The following RLF variants were observed in gnomAD, a reference collection of about 807,000 sequenced individuals.
The protein encoded by RLF is RLF zinc finger.
In RLF, 7 loss-of-function variants were observed where a neutral mutation model predicts 162.9. That is an observed-to-expected ratio of 0.04 (90% CI 0.02 to 0.08). RLF has a LOEUF of 0.08. Among genes scored for constraint, RLF ranks in the 10% least tolerant of loss-of-function variants. The pLI, the probability that RLF is intolerant of heterozygous loss-of-function variation, is 1.00. For synonymous variants in RLF, 782 were observed against 791.5 expected, an observed-to-expected ratio of 0.99 and a Z score of 0.20; for missense variants, 1,664 against 2,244.7, an observed-to-expected ratio of 0.74 and a Z score of 5.23.
intron 5 of RLF, among the ~76,000 whole-genome samples, chr1:40,214,618 A>T (rs950283770): frequency 6.6e-6 from 1 of 152,160 alleles, no homozygotes; most frequent in East Asian, 1.9e-4. Context: ...TAAAGGAAAC[A>T]TGCTTAAAGA....
At chr1:40,228,010 A>G (rs551123061) in intron 6 of RLF, among the ~76,000 whole-genome samples, 47 of 151,962 alleles carry the variant, frequency 3.1e-4, no homozygotes, top group Admixed American at 2.7e-3. Flanking sequence ...CTGGGGGGAA[A>G]AAATTTATTT....
intron 5 of RLF, among the ~76,000 whole-genome samples, 182 bp downstream of exon 5, chr1:40,202,796 G>A (rs1307545127): frequency 6.6e-6 from 1 of 152,086 alleles, no homozygotes; most frequent in East Asian, 1.9e-4. Flanking sequence ...ATTTTAGAGT[G>A]AATTTGAAAA....
rs1267826585 is a variant in RLF at position 40,195,618 on chromosome 1, T to C, written c.475-14T>C. ...TTGTTAACTTATTTTCTGGGTGTGC[T>C]GTTCTTGTTCTAGGAGTCACATGAT... On this transcript the variant is annotated splice_polypyrimidine_tract_variant and intron_variant, in intron 3 of 7. Coordinates refer to ENST00000372771, the MANE Select transcript of RLF (RefSeq NM_012421.4). 1.9e-6 allele frequency: 3 copies of C among 1,600,110 alleles called. No individual in the cohort carries two copies. Among genetic ancestry groups the C allele is most frequent in the African/African-American group, 2.7e-5 (2 of 74,402 alleles).
chr1:40,222,969 G>C (rs1199157102), intron 6 of RLF, among the ~76,000 whole-genome samples: 3 of 151,806 alleles, frequency 2.0e-5, no homozygotes, highest in African/African-American at 7.3e-5. Flanking sequence ...ATAAAATTTT[G>C]TCAATATGAA....
chr1:40,179,531 G>T (rs1642378794), intron 1 of RLF, among the ~76,000 whole-genome samples: 1 of 148,146 alleles, frequency 6.8e-6, no homozygotes, highest in Admixed American at 6.7e-5. Flanking sequence ...AAAGTCTCTA[G>T]ACTTAAAGTT....
intron 4 of RLF, among the ~76,000 whole-genome samples, chr1:40,196,160 C>T (rs1642633389): frequency 6.6e-6 from 1 of 151,562 alleles, no homozygotes; most frequent in Non-Finnish European, 1.5e-5. Context: ...ACTGCAACCT[C>T]TGCCTCCAGT....
chr1:40,209,312 T>C (rs1337742444), intron 5 of RLF, among the ~76,000 whole-genome samples: 2 of 152,224 alleles, frequency 1.3e-5, no homozygotes, highest in African/African-American at 2.4e-5. Context: ...ATTTTCCTTA[T>C]CTATAAAGTA....
Position 40,237,344 on chromosome 1 carries a change from A to T in RLF, c.2642A>T (p.Asp881Val). 6.2e-7 allele frequency: 1 copy of T among 1,613,954 alleles called. No homozygotes were observed. Among genetic ancestry groups the T allele is most frequent in the Non-Finnish European group, 8.5e-7 (1 of 1,179,946 alleles). Residue 881 changes from aspartate to valine, a missense_variant, in exon 8 of 8, where the codon GAT becomes GTT. Transcript: ENST00000372771. The surrounding 1 kb of genome is among the most constrained non-coding windows in gnomAD (Gnocchi z 4.4). Reference protein sequence around the residue: ...FCAESANSQIDTETAENLKEN... With the variant: ...FCAESANSQIVTETAENLKEN... ...GCAGAATCAGCTAATTCTCAAATAG[A>T]TACAGAAACTGCAGAAAACCTGAAA...
rs1371947666 is a variant in RLF, at chr1:40,189,058, T to A, written c.241T>A (p.Leu81Ile). Residue 81 changes from leucine to isoleucine, a missense_variant, in exon 2 of 8, where the codon TTA (leucine) becomes ATA (isoleucine). Coordinates refer to ENST00000372771, the MANE Select transcript of RLF (RefSeq NM_012421.4). ...AATTTTTAATTTTATTTTGTAGACC[T>A]TATTGCAATATGCAAGCAACAAGAA... is the stretch of plus-strand genomic sequence containing the variant. Reference protein sequence around the residue: ...LNYCRSFCQTLLQYASNKNAS... With the variant: ...LNYCRSFCQTILQYASNKNAS... 3.2e-6 allele frequency: 5 copies of A among 1,572,406 alleles called. No homozygotes were observed. In the South Asian group the frequency reaches 4.6e-5, roughly 15 times the overall value.
chr1:40,224,622 GCTTTTTTTTTTTTT>G (rs1557757524), intron 6 of RLF, among the ~76,000 whole-genome samples: 2 of 13,518 alleles, frequency 1.5e-4, no homozygotes, highest in African/African-American at 2.6e-4. Context: ...GTTTTTGAAA[GCTTTTTTTTTTTTT>G]TTTTTTTTTT....
At chr1:40,175,901 A>G (rs929074707) in intron 1 of RLF, among the ~76,000 whole-genome samples, 3 of 151,580 alleles carry the variant, frequency 2.0e-5, no homozygotes, top group Non-Finnish European at 4.4e-5. Flanking sequence ...ACTGCTTTGT[A>G]TTCCCTTTCT....
At position 40,222,590 on chromosome 1, in the gene RLF, G is replaced by A; in HGVS notation, c.827G>A (p.Cys276Tyr). 1 of 1,613,214 alleles carries A rather than the reference G, an allele frequency of 6.2e-7. No homozygotes were observed. Among genetic ancestry groups the A allele is most frequent in the Non-Finnish European group, 8.5e-7 (1 of 1,179,606 alleles). ...TTTTGATAGATTGCAAAGGTCGACTGCAAGGAAGTACTAGACATCATTTGT... is the reference window on the plus strand; with the variant it reads ...TTTTGATAGATTGCAAAGGTCGACTACAAGGAAGTACTAGACATCATTTGT... ...DAIKEIAKVD[C>Y]KEVLDIICNL... is the part of the protein sequence containing the mutation. The change falls in exon 6 of 8, where the codon TGC becomes TAC. Residue 276 changes from cysteine to tyrosine, a missense_variant. Coordinates refer to ENST00000372771, the MANE Select transcript of RLF (RefSeq NM_012421.4).
chr1:40,177,035 A>G (rs946527727), intron 1 of RLF, among the ~76,000 whole-genome samples: 7 of 151,102 alleles, frequency 4.6e-5, no homozygotes, highest in African/African-American at 1.7e-4. Context: ...TCGTCCAGGC[A>G]GGAGTGCAAT....
At chr1:40,200,899 C>T (rs1055623027) in intron 4 of RLF, among the ~76,000 whole-genome samples, 15 of 122,670 alleles carry the variant, frequency 1.2e-4, no homozygotes, top group African/African-American at 5.0e-4. Context: ...CACACACACA[C>T]ACACACACAC....
At chr1:40,178,348 TATAGC>T (rs1416701929) in intron 1 of RLF, among the ~76,000 whole-genome samples, 4 of 152,016 alleles carry the variant, frequency 2.6e-5, no homozygotes, top group Non-Finnish European at 2.9e-5. Context: ...ATAAAAGCTA[TATAGC>T]ACATAGAGAC....
chr1:40,216,121 A>T (rs1642920939), intron 5 of RLF, among the ~76,000 whole-genome samples: 2 of 152,204 alleles, frequency 1.3e-5, no homozygotes, highest in African/African-American at 4.8e-5. Context: ...TTATAAAGGA[A>T]TACTCTGAAC....
chr1:40,185,863 A>AG (rs1642473417), intron 1 of RLF, among the ~76,000 whole-genome samples: 1 of 143,916 alleles, frequency 6.9e-6, no homozygotes, highest in African/African-American at 2.6e-5. Context: ...AAAAAAAAAA[A>AG]AACCACAAAG....
chr1:40,199,321 C>G (rs1019671662), intron 4 of RLF, among the ~76,000 whole-genome samples: 1 of 152,200 alleles, frequency 6.6e-6, no homozygotes, highest in Non-Finnish European at 1.5e-5. Context: ...TCACAAATTG[C>G]TGACAGTGTA....
At chr1:40,168,497 C>T (rs532482078) in intron 1 of RLF, among the ~76,000 whole-genome samples, 1 of 152,156 alleles carries the variant, frequency 6.6e-6, no homozygotes, top group African/African-American at 2.4e-5. Context: ...CTGCCCACAG[C>T]TTCCCAAAGT....
Sources: allele counts gnomAD v4.1 joint callset (sites outside exome capture counted in the v4.1 genomes callset), GRCh38; gene constraint gnomAD v4.1.1; non-coding constraint Gnocchi (gnomAD v3.1); transcripts MANE v1.5; gene names NCBI Gene and HGNC (gene_info 2026-07-23, HGNC 2026-07-21).